Variants in PTPRJ observed in about 807,000 individuals in gnomAD.
PTPRJ encodes the protein receptor-type tyrosine-protein phosphatase eta.
PTPRJ carries 129 observed loss-of-function variants against 141.3 expected under a neutral mutation model. That is an observed-to-expected ratio of 0.91 (90% CI 0.79 to 1.06). The LOEUF is 1.06. Among genes scored for constraint, PTPRJ ranks in the 50% least tolerant of loss-of-function variants. The probability of loss-of-function intolerance (pLI) is 0.00; values close to 1 mark genes in which losing one functional copy is unlikely to be tolerated. For missense variants in PTPRJ, 1,601 were observed against 1,679.7 expected, an observed-to-expected ratio of 0.95 and a Z score of 0.82; for synonymous variants, 610 against 640.5, an observed-to-expected ratio of 0.95 and a Z score of 0.72.
In PTPRJ at chr11:48,163,550, C is replaced by T; in HGVS notation, c.3651C>T (p.Asn1217=). The stretch of plus-strand genomic sequence containing the variant: ...CCGACACCACTGACCTGCTCATCAA[C>T]TTCCGGTACCTCGTTCGTGACTACA... ...GVPDTTDLLI[N]FRYLVRDYMK... is the part of the protein sequence containing the mutation. Residue 1217 remains asparagine (N), a synonymous_variant, in exon 23 of 25, where the codon AAC becomes AAT. Transcript: ENST00000418331. 2 of 1,614,076 alleles carry T rather than the reference C, an allele frequency of 1.2e-6. No homozygotes were observed. The highest frequency in any genetic ancestry group is 1.7e-6 in the Non-Finnish European group (2 of 1,179,882).
chr11:48,080,721 G>T (rs574233829), intron 1 of PTPRJ, among the ~76,000 whole-genome samples: 1 of 152,148 alleles, frequency 6.6e-6, no homozygotes, highest in South Asian at 2.1e-4. Flanking sequence ...TCAGCTCCAC[G>T]CTCCCCTCCT....
chr11:48,108,309 G>A (rs4752895), intron 1 of PTPRJ, among the ~76,000 whole-genome samples: 152,334 of 152,338 alleles, frequency 1, 76,165 homozygotes, highest in Non-Finnish European at 1. Context: ...AGCAAGGCAG[G>A]TACAAAGATC....
chr11:48,002,782 C>T (rs1227583571), intron 1 of PTPRJ, among the ~76,000 whole-genome samples: 1 of 152,152 alleles, frequency 6.6e-6, no homozygotes, highest in Non-Finnish European at 1.5e-5. Context: ...GAAGAATGAG[C>T]AGCTGGAGCT....
chr11:48,074,587 C>T (rs948750806), intron 1 of PTPRJ, among the ~76,000 whole-genome samples: 2 of 152,188 alleles, frequency 1.3e-5, no homozygotes, highest in African/African-American at 4.8e-5. Context: ...GACCCTTTCT[C>T]CTGTAACCCA....
chr11:48,063,346 A>G (rs1158950684), intron 1 of PTPRJ, among the ~76,000 whole-genome samples: 1 of 152,186 alleles, frequency 6.6e-6, no homozygotes, highest in East Asian at 1.9e-4. Flanking sequence ...CAACAACAAG[A>G]ACAACAAGAA....
chr11:48,038,522 C>T (rs1854185541), intron 1 of PTPRJ, among the ~76,000 whole-genome samples: 2 of 151,486 alleles, frequency 1.3e-5, no homozygotes. Flanking sequence ...GATGGAGTCT[C>T]GCTCTGTCAC....
chr11:48,023,652 C>T lies in PTPRJ; in HGVS notation c.96+42644C>T, dbSNP rs147899324. Among the ~76,000 whole-genome samples the T allele has an allele frequency of 1.8e-3, 276 of 151,894 alleles. 4 individuals are homozygous for T. The East Asian group carries it at 0.049, about 27-fold the overall frequency. On this transcript the variant is annotated intron_variant, in intron 1 of 24. Transcript: ENST00000418331. Reference sequence around the variant, plus strand: ...CAAAAATTAGCTGGGTGTGGTGGTGCGCGCCTGTAGTCCCAGCTACTTGTG... The same window carrying T: ...CAAAAATTAGCTGGGTGTGGTGGTGTGCGCCTGTAGTCCCAGCTACTTGTG...
chr11:48,083,892 A>C (rs1855628741), intron 1 of PTPRJ, among the ~76,000 whole-genome samples: 1 of 152,228 alleles, frequency 6.6e-6, no homozygotes, highest in Non-Finnish European at 1.5e-5. Context: ...GTGAGGTCAA[A>C]GTATTTTTAT....
At chr11:48,123,546 A>G (rs1378449799) in intron 4 of PTPRJ, 67 bp from the exon 5 acceptor site, 25 of 1,515,528 alleles carry the variant, frequency 1.6e-5, no homozygotes, top group Non-Finnish European at 2.2e-5. Context: ...ACTGAACCCC[A>G]GTCATTCTTA....
intron 1 of PTPRJ, among the ~76,000 whole-genome samples, chr11:48,109,573 C>T (rs1856387040): frequency 6.6e-6 from 1 of 152,170 alleles, no homozygotes; most frequent in African/African-American, 2.4e-5. Context: ...ATCCCAAACA[C>T]AGTGGATTTC....
At chr11:48,008,098 G>A (rs1565254759) in intron 1 of PTPRJ, among the ~76,000 whole-genome samples, 1 of 151,644 alleles carries the variant, frequency 6.6e-6, no homozygotes, top group African/African-American at 2.4e-5. Context: ...GTTCTGACAC[G>A]TGCCAGGTGA....
intron 1 of PTPRJ, among the ~76,000 whole-genome samples, chr11:48,009,272 C>T (rs897884128): frequency 2.0e-5 from 3 of 152,152 alleles, no homozygotes; most frequent in Admixed American, 1.3e-4. Context: ...AATTTAAAGA[C>T]GCGAGCTTCA....
intron 1 of PTPRJ, among the ~76,000 whole-genome samples, chr11:48,010,957 G>C (rs1484154294): frequency 1.3e-5 from 2 of 152,082 alleles, no homozygotes; most frequent in Non-Finnish European, 2.9e-5. Context: ...TGGGATTACA[G>C]GTGCACTGTC....
chr11:48,016,719 A>G (rs1184537834), intron 1 of PTPRJ, among the ~76,000 whole-genome samples: 1 of 152,184 alleles, frequency 6.6e-6, no homozygotes, highest in Non-Finnish European at 1.5e-5. Context: ...TTTGTCTGGC[A>G]TTAACCACAT....
intron 1 of PTPRJ, among the ~76,000 whole-genome samples, chr11:48,067,220 C>T (rs977889055): frequency 6.6e-6 from 1 of 152,198 alleles, no homozygotes; most frequent in Non-Finnish European, 1.5e-5. Flanking sequence ...CAAACTCACC[C>T]CTTCCCTCCA....
intron 6 of PTPRJ, 97 bp downstream of exon 6, chr11:48,125,283 C>T: frequency 7.2e-7 from 1 of 1,382,000 alleles, no homozygotes; most frequent in Admixed American, 1.9e-5. Flanking sequence ...TGCATAACAG[C>T]TAGTTTTGAT....
At chr11:48,143,878 T>C (rs1389552662) in intron 12 of PTPRJ, among the ~76,000 whole-genome samples, 1 of 143,164 alleles carries the variant, frequency 7.0e-6, no homozygotes, top group Non-Finnish European at 1.5e-5. Flanking sequence ...CTCCTTCCCT[T>C]CCCCTTCCCT....
In PTPRJ at chr11:48,001,349, A is replaced by AGTGTGTGTGTGT. The variant is rs57503257; in HGVS notation, c.96+20374_96+20385dup. On this transcript the variant is annotated intron_variant, in intron 1 of 24. Transcript: ENST00000418331. Reference sequence around the variant, plus strand: ...TTACCTTTTGCAGTGACAGCCCCAAAGTGTGTGTGTGTGTGTGTGTGTGTG... The same window carrying AGTGTGTGTGTGT: ...TTACCTTTTGCAGTGACAGCCCCAAAGTGTGTGTGTGTGTGTGTGTGTGTGTGTGTGTGTGTG... 7.2e-3 allele frequency among the ~76,000 whole-genome samples: 973 copies of AGTGTGTGTGTGT among 134,708 alleles called. 5 individuals carry two copies. Among genetic ancestry groups the AGTGTGTGTGTGT allele is most frequent in the East Asian group, 0.021 (97 of 4,550 alleles). 88.4% of individuals were successfully genotyped at this position (134,708 alleles called of 152,430 possible).
In PTPRJ at chr11:48,131,707, G is replaced by T. The variant is rs1470125364; in HGVS notation, c.1615+991G>T. Reference sequence around the variant, plus strand: ...GAGTAGTGGCAGCAGAGAACGTGTGGCTTGTGAAGCCTGAGATATTTATTT... The same window carrying T: ...GAGTAGTGGCAGCAGAGAACGTGTGTCTTGTGAAGCCTGAGATATTTATTT... On this transcript the variant is annotated intron_variant, in intron 8 of 24. Coordinates refer to ENST00000418331, the MANE Select transcript of PTPRJ (RefSeq NM_002843.4). 15 of 515,428 alleles carry T rather than the reference G, an allele frequency of 2.9e-5. No homozygotes were observed. The Admixed American group carries it at 5.5e-4, about 19-fold the overall frequency. 31.9% of individuals were successfully genotyped at this position (515,428 alleles called of 1,614,324 possible).
Sources: allele counts gnomAD v4.1 joint callset (sites outside exome capture counted in the v4.1 genomes callset), GRCh38; gene constraint gnomAD v4.1.1; transcripts MANE v1.5; gene names NCBI Gene and HGNC (gene_info 2026-07-23, HGNC 2026-07-21).